The following TMEM248 variants were observed in gnomAD, a reference collection of about 807,000 sequenced individuals.
TMEM248 encodes transmembrane protein 248.
A neutral mutation model predicts 30.3 loss-of-function variants in TMEM248; 9 were observed. That is an observed-to-expected ratio of 0.30 (90% CI 0.18 to 0.52). TMEM248 has a LOEUF of 0.52. Ranked by LOEUF, TMEM248 falls within the 20% of genes least tolerant of loss-of-function variation. The pLI, the probability that TMEM248 is intolerant of heterozygous loss-of-function variation, is 0.97. For synonymous variants in TMEM248, 184 were observed against 154.4 expected, an observed-to-expected ratio of 1.19 and a Z score of -1.42; for missense variants, 338 against 403.3, an observed-to-expected ratio of 0.84 and a Z score of 1.39.
At chr7:66,927,426 T>C (rs1282040891) in intron 1 of TMEM248, among the ~76,000 whole-genome samples, 1 of 151,946 alleles carries the variant, frequency 6.6e-6, no homozygotes, top group Non-Finnish European at 1.5e-5. Flanking sequence ...CTCTTGTAAT[T>C]TCTTATTTGA....
rs760883064 is a variant in TMEM248 at position 66,945,195 on chromosome 7, G to A, written c.379G>A (p.Gly127Arg). Residue 127 changes from glycine (G) to arginine (R), a missense_variant, in exon 3 of 7, where the codon GGA becomes AGA. Physicochemically the swap from Gly to Arg is moderately radical, Grantham distance 125. Coordinates refer to ENST00000341567, the MANE Select transcript of TMEM248 (RefSeq NM_017994.5). ...TLTLDPLKPF[G>R]GYSRNVTHLY... ...AACCCTGGACCCACTGAAACCCTTCGGAGGGTATTCCCGCAACGTCACCCA... is the reference window on the plus strand; with the variant it reads ...AACCCTGGACCCACTGAAACCCTTCAGAGGGTATTCCCGCAACGTCACCCA... 4 of 1,614,128 alleles carry A rather than the reference G, an allele frequency of 2.5e-6. No homozygotes were observed. The highest frequency in any genetic ancestry group is 1.7e-5 in the Admixed American group (1 of 60,000).
At chr7:66,940,649 G>A (rs1791923538) in intron 1 of TMEM248, among the ~76,000 whole-genome samples, 1 of 152,176 alleles carries the variant, frequency 6.6e-6, no homozygotes, top group Non-Finnish European at 1.5e-5. Flanking sequence ...GGATGGTGAT[G>A]CAGTCAGGGA....
At position 66,923,908 on chromosome 7, in the gene TMEM248, C is replaced by T. The variant is rs187181689; in HGVS notation, c.-19+2447C>T. Among the ~76,000 whole-genome samples the T allele has an allele frequency of 1.8e-3, 271 of 152,214 alleles. 1 individual carries two copies. Among genetic ancestry groups the T allele is most frequent in the Middle Eastern group, 3.4e-3 (1 of 294 alleles). ...CTCAAACCCTTGACGTCAAGTGATCCGCCTGCCTCAGCCTCCCAATGTGCT... is the reference window on the plus strand; with the variant it reads ...CTCAAACCCTTGACGTCAAGTGATCTGCCTGCCTCAGCCTCCCAATGTGCT... On this transcript the variant is annotated intron_variant, in intron 1 of 6. Coordinates refer to ENST00000341567, the MANE Select transcript of TMEM248 (RefSeq NM_017994.5).
chr7:66,923,442 C>T (rs962974868), intron 1 of TMEM248, among the ~76,000 whole-genome samples: 4 of 151,832 alleles, frequency 2.6e-5, no homozygotes, highest in African/African-American at 7.3e-5. Flanking sequence ...TTGCTCAGCC[C>T]GAAACTCGTG....
intron 3 of TMEM248, among the ~76,000 whole-genome samples, 153 bp from the exon 4 acceptor site, chr7:66,948,391 C>T (rs751919298): frequency 1.1e-4 from 16 of 152,166 alleles, no homozygotes; most frequent in Non-Finnish European, 1.5e-4. Flanking sequence ...TGGTCAGGGT[C>T]AGGACTGCTC....
At chr7:66,940,199 C>T (rs1021614468) in intron 1 of TMEM248, among the ~76,000 whole-genome samples, 14 of 152,108 alleles carry the variant, frequency 9.2e-5, no homozygotes, top group Admixed American at 2.6e-4. Flanking sequence ...AGTGATCCAC[C>T]CGCCTCGGCC....
intron 1 of TMEM248, among the ~76,000 whole-genome samples, chr7:66,940,484 CGTT>C (rs1269952639): frequency 6.6e-6 from 1 of 152,290 alleles, no homozygotes; most frequent in East Asian, 1.9e-4. Context: ...TAGCAGACAA[CGTT>C]GTTTGTTAAG....
At chr7:66,948,809 A>G in intron 4 of TMEM248, 115 bp downstream of exon 4, 1 of 1,147,722 alleles carries the variant, frequency 8.7e-7, no homozygotes, top group Non-Finnish European at 1.2e-6. Flanking sequence ...TTCTTTATAG[A>G]ATTATCTCTA....
At chr7:66,933,046 GAC>G (rs1480832331) in intron 1 of TMEM248, among the ~76,000 whole-genome samples, 1 of 151,968 alleles carries the variant, frequency 6.6e-6, no homozygotes, top group African/African-American at 2.4e-5. Flanking sequence ...TTTTAGTAGA[GAC>G]AGGGTTTCAC....
chr7:66,947,408 T>G (rs2129225039), intron 3 of TMEM248, among the ~76,000 whole-genome samples: 1 of 152,128 alleles, frequency 6.6e-6, no homozygotes, highest in South Asian at 2.1e-4. Flanking sequence ...TCGGGATTTT[T>G]TGTTGTTATT....
At chr7:66,953,676 C>T (rs937570001) in intron 6 of TMEM248, among the ~76,000 whole-genome samples, 2 of 152,002 alleles carry the variant, frequency 1.3e-5, no homozygotes, top group African/African-American at 4.8e-5. Flanking sequence ...ACTATCTTGG[C>T]TCACTGCAGC....
At chr7:66,923,052 A>G (rs1791427885) in intron 1 of TMEM248, among the ~76,000 whole-genome samples, 1 of 152,180 alleles carries the variant, frequency 6.6e-6, no homozygotes, top group Non-Finnish European at 1.5e-5. Flanking sequence ...GAATGTACTT[A>G]GAGGAAGCAA....
At chr7:66,951,808 A>T (rs898174798) in intron 5 of TMEM248, among the ~76,000 whole-genome samples, 1 of 151,928 alleles carries the variant, frequency 6.6e-6, no homozygotes, top group African/African-American at 2.4e-5. Flanking sequence ...CTACAGGTGC[A>T]TGTCACCATG....
At chr7:66,936,240 A>G (rs1791801758) in intron 1 of TMEM248, among the ~76,000 whole-genome samples, 1 of 152,136 alleles carries the variant, frequency 6.6e-6, no homozygotes, top group Admixed American at 6.6e-5. Context: ...TTCTAAGCCC[A>G]GTTTTTTTGA....
chr7:66,950,925 G>A (rs377712253), intron 4 of TMEM248, 27 bp from the exon 5 acceptor site: 28 of 1,530,280 alleles, frequency 1.8e-5, no homozygotes, highest in Middle Eastern at 1.9e-4. Flanking sequence ...CTGAGCACGT[G>A]TCTTTCCTCC....
intron 2 of TMEM248, among the ~76,000 whole-genome samples, chr7:66,943,503 G>C (rs1792017213): frequency 6.6e-6 from 1 of 152,188 alleles, no homozygotes; most frequent in Non-Finnish European, 1.5e-5. Context: ...AGTGGTGTAT[G>C]GGAAACATTT....
intron 1 of TMEM248, among the ~76,000 whole-genome samples, chr7:66,940,260 G>C (rs542398699): frequency 1.1e-4 from 16 of 152,232 alleles, no homozygotes; most frequent in Middle Eastern, 3.4e-3. Context: ...AGCCATAGAT[G>C]TGCGTTTTAA....
chr7:66,941,378 CA>C lies in TMEM248; in HGVS notation c.-18-455del, dbSNP rs531732717. Among the ~76,000 whole-genome samples the C allele has an allele frequency of 7.5e-3, 472 of 62,960 alleles. 5 individuals carry two copies. Among genetic ancestry groups the C allele is most frequent in the African/African-American group, 0.018 (302 of 16,376 alleles). 41.3% of individuals were successfully genotyped at this position (62,960 alleles called of 152,430 possible). A position where few individuals can be genotyped will look rare whatever the true frequency, so the allele number is the denominator to read the frequency against. ...TGGGTCACAGAGTGAGACTCCGTCT[CA>C]AAAAAAAAAAAAAAGAAAAAAAAAA... On this transcript the variant is annotated intron_variant, in intron 1 of 6. Transcript: ENST00000341567.
rs188545466 is a variant in TMEM248, at chr7:66,925,040, G to A, written c.-19+3579G>A. ...TTTAATTAAAAAAAATAATTATTAC[G>A]GGACAGAGTTTTGCTCTGTTGTCCT... On this transcript the variant is annotated intron_variant, in intron 1 of 6. Transcript: ENST00000341567. Among the ~76,000 whole-genome samples the A allele has an allele frequency of 2.4e-3, 364 of 152,050 alleles. 3 individuals are homozygous for A. Among genetic ancestry groups the A allele is most frequent in the African/African-American group, 8.1e-3 (334 of 41,466 alleles).
Sources: allele counts gnomAD v4.1 joint callset (sites outside exome capture counted in the v4.1 genomes callset), GRCh38; gene constraint gnomAD v4.1.1; transcripts MANE v1.5; gene names NCBI Gene and HGNC (gene_info 2026-07-23, HGNC 2026-07-21).